Variants in TOR1AIP2 observed in about 807,000 individuals in gnomAD.
TOR1AIP2 encodes the protein torsin 1A interacting protein 2.
A neutral mutation model predicts 32.6 loss-of-function variants in TOR1AIP2; 20 were observed. The observed-to-expected ratio is 0.61, with a 90% CI of 0.43 to 0.89. The LOEUF (loss-of-function observed/expected upper bound fraction) is 0.89, where lower values mean the gene tolerates loss of function less well. Ranked by LOEUF, TOR1AIP2 falls within the 40% of genes least tolerant of loss-of-function variation. The pLI is 0.00. For synonymous variants in TOR1AIP2, 214 were observed against 210.8 expected (o/e 1.02, Z -0.13); for missense variants, 456 against 553.8 (o/e 0.82, Z 1.77).
intron 2 of TOR1AIP2, among the ~76,000 whole-genome samples, chr1:179,870,592 A>G (rs1056901524): frequency 2.6e-5 from 4 of 152,224 alleles, no homozygotes; most frequent in Admixed American, 1.3e-4. Context: ...ATGTCCAAAC[A>G]ATCTGCAGTC....
At chr1:179,854,496 A>G (rs529234497) in intron 3 of TOR1AIP2, among the ~76,000 whole-genome samples, 62 of 152,352 alleles carry the variant, frequency 4.1e-4, no homozygotes, top group Non-Finnish European at 7.8e-4. Context: ...AAAATTCACA[A>G]AGAGCAGCAA....
rs1469866334 is a variant in TOR1AIP2 at position 179,841,842 on chromosome 1, A to C, written c.*4229T>G. ...AATGATCACTTTCACATGCCATATTAGTTATATTTTAGTATCACTGCTCAT... is the reference window on the plus strand; with the variant it reads ...AATGATCACTTTCACATGCCATATTCGTTATATTTTAGTATCACTGCTCAT... On this transcript the variant is annotated 3_prime_UTR_variant, in exon 7 of 7. Coordinates refer to ENST00000609928, the MANE Select transcript of TOR1AIP2 (RefSeq NM_001199260.2). 6.6e-6 allele frequency: 1 copy of C among 152,248 alleles called. No homozygotes were observed. The highest frequency in any genetic ancestry group is 2.1e-4 in the South Asian group (1 of 4,830). 9.4% of individuals were successfully genotyped at this position (152,248 alleles called of 1,614,324 possible).
At chr1:179,859,516 G>A (rs1696431289) in intron 3 of TOR1AIP2, 2 of 985,336 alleles carry the variant, frequency 2.0e-6, no homozygotes, top group Non-Finnish European at 2.4e-6. Flanking sequence ...CAGTACATAT[G>A]ACCTGAGTGA....
chr1:179,865,416 T>C lies in TOR1AIP2; in HGVS notation c.-147+20A>G. ...TGAACTCAGGGACCGATCCAGTTTA[T>C]AATGTTATCAGTCACTTACTAGCAG... On this transcript the variant is annotated intron_variant, in intron 3 of 6. Transcript: ENST00000609928. 3.8e-6 allele frequency: 2 copies of C among 523,276 alleles called. No homozygotes were observed. Among genetic ancestry groups the C allele is most frequent in the Non-Finnish European group, 6.7e-6 (2 of 298,118 alleles). The allele number at this position is 523,276 out of a possible 1,614,324, so 32.4% of individuals were successfully genotyped here.
At chr1:179,874,307 G>A (rs1274924447) in intron 2 of TOR1AIP2, 1 of 152,240 alleles carries the variant, frequency 6.6e-6, no homozygotes, top group Non-Finnish European at 1.5e-5. Flanking sequence ...TCAGTTATTT[G>A]GGAGACTGAG....
intron 3 of TOR1AIP2, 124 bp from the exon 4 acceptor site, chr1:179,852,935 G>T: frequency 1.6e-6 from 1 of 610,950 alleles, no homozygotes; most frequent in Non-Finnish European, 2.2e-6. Context: ...CTTTTTTCGT[G>T]AAGAAAATTT....
Position 179,846,507 on chromosome 1 carries a change from G to A in TOR1AIP2, c.977C>T (p.Ser326Phe), listed in dbSNP as rs202105260. The A allele has an allele frequency of 2.0e-5, 32 of 1,614,066 alleles. No homozygotes were observed. The highest frequency in any genetic ancestry group is 2.5e-5 in the Non-Finnish European group (30 of 1,180,034). ...TCCAGCCCCATCAATCTGAATGGGA[G>A]AGACTTTCTGGGAAGAGGTGTAGGC... ...ADAYTSSQKV[S>F]PIQIDGAGRT... The change falls in exon 7 of 7, where the codon TCT becomes TTT. Residue 326 changes from serine (S) to phenylalanine (F), a missense_variant. Physicochemically the swap from Ser to Phe is radical, Grantham distance 155. Transcript: ENST00000609928.
At chr1:179,861,195 CA>C in intron 3 of TOR1AIP2, 1 of 985,410 alleles carries the variant, frequency 1.0e-6, no homozygotes, top group African/African-American at 1.7e-5. Context: ...GTGTAGCTCA[CA>C]CTATTTAAAA....
intron 5 of TOR1AIP2, among the ~76,000 whole-genome samples, chr1:179,850,313 T>A (rs1696066026): frequency 6.6e-6 from 1 of 152,168 alleles, no homozygotes; most frequent in South Asian, 2.1e-4. Context: ...GACATGCTTG[T>A]TCCTCTTAAC....
chr1:179,858,469 T>C (rs1045428222), intron 3 of TOR1AIP2, among the ~76,000 whole-genome samples: 18 of 152,244 alleles, frequency 1.2e-4, no homozygotes, highest in African/African-American at 4.1e-4. Flanking sequence ...TGGGATAAAA[T>C]GTTCATATAT....
chr1:179,854,971 G>A, intron 3 of TOR1AIP2, among the ~76,000 whole-genome samples: 1 of 152,066 alleles, frequency 6.6e-6, no homozygotes, highest in Non-Finnish European at 1.5e-5. Context: ...AGAAATATAT[G>A]CATACATACA....
At position 179,845,850 on chromosome 1, in the gene TOR1AIP2, A is replaced by C; in HGVS notation, c.*221T>G. On this transcript the variant is annotated 3_prime_UTR_variant, in exon 7 of 7. Transcript: ENST00000609928. ...CGATATTTCAAACCTGATTTGGTCC[A>C]AAGAAAAAAAGTCAGGTTAATTTTT... is the stretch of plus-strand genomic sequence containing the variant. 2 of 496,816 alleles carry C rather than the reference A, an allele frequency of 4.0e-6. No individual in the cohort carries two copies. Among genetic ancestry groups the C allele is most frequent in the East Asian group, 6.4e-5 (2 of 31,156 alleles). The allele number at this position is 496,816 out of a possible 1,614,324, so 30.8% of individuals were successfully genotyped here. A position where few individuals can be genotyped will look rare whatever the true frequency, so the allele number is the denominator to read the frequency against.
intron 2 of TOR1AIP2, among the ~76,000 whole-genome samples, chr1:179,873,093 T>C (rs1253071911): frequency 6.6e-6 from 1 of 152,256 alleles, no homozygotes; most frequent in Admixed American, 6.5e-5. Context: ...GTCTAGTCTA[T>C]GACAGTTCCT....
intron 6 of TOR1AIP2, among the ~76,000 whole-genome samples, 200 bp from the exon 7 acceptor site, chr1:179,847,028 T>C (rs1347624373): frequency 6.6e-6 from 1 of 152,230 alleles, no homozygotes; most frequent in East Asian, 1.9e-4. Flanking sequence ...TATTTGAAGA[T>C]ATATCTGTTA....
intron 3 of TOR1AIP2, chr1:179,865,133 C>T: frequency 1.2e-6 from 2 of 1,612,950 alleles, no homozygotes; most frequent in Non-Finnish European, 1.7e-6. Flanking sequence ...ACTAGGGAAC[C>T]ACTGTTGTCC....
At chr1:179,861,429 T>C (rs746692982) in intron 3 of TOR1AIP2, 4 of 985,012 alleles carry the variant, frequency 4.1e-6, no homozygotes, top group African/African-American at 1.8e-5. Context: ...CTCTACTACA[T>C]GATGTTGATT....
chr1:179,846,382 C>G lies in TOR1AIP2; in HGVS notation c.1102G>C (p.Glu368Gln), dbSNP rs374999774. Residue 368 changes from glutamate to glutamine, a missense_variant, in exon 7 of 7, where the codon GAA (glutamate) becomes CAA (glutamine). By Grantham distance (29) the Glu-to-Gln change is conservative. Transcript: ENST00000609928. ...GQKAAVVHHF[E>Q]SFPAGSTLIF... ...AAAGTGGAGCCGGCAGGGAAGGATT[C>G]GAAGTGGTGTACCACAGCAGCCTTC... 1.2e-6 allele frequency: 2 copies of G among 1,614,048 alleles called. No homozygotes were observed. The highest frequency in any genetic ancestry group is 8.5e-7 in the Non-Finnish European group (1 of 1,180,040).
rs1314219297 is a variant in TOR1AIP2 at position 179,877,319 on chromosome 1, T to A, written c.-646A>T. 6.6e-6 allele frequency: 1 copy of A among 152,618 alleles called. No homozygotes were observed. Among genetic ancestry groups the A allele is most frequent in the Non-Finnish European group, 1.5e-5 (1 of 68,454 alleles). The allele number at this position is 152,618 out of a possible 1,614,324, so 9.5% of individuals were successfully genotyped here. ...ACTTTGGGAGGCTGAGGTGGGAGAA[T>A]CGCTTGAAGCCAGGAGTTCGAGACC... On this transcript the variant is annotated 5_prime_UTR_variant, in exon 2 of 7. Coordinates refer to ENST00000609928, the MANE Select transcript of TOR1AIP2 (RefSeq NM_001199260.2).
intron 3 of TOR1AIP2, among the ~76,000 whole-genome samples, chr1:179,855,524 G>A (rs1452097044): frequency 6.6e-6 from 1 of 152,168 alleles, no homozygotes; most frequent in Non-Finnish European, 1.5e-5. Context: ...CCAGCAGACT[G>A]GTAAAAAGTC....
Sources: allele counts gnomAD v4.1 joint callset (sites outside exome capture counted in the v4.1 genomes callset), GRCh38; gene constraint gnomAD v4.1.1; transcripts MANE v1.5; gene names NCBI Gene and HGNC (gene_info 2026-07-23, HGNC 2026-07-21).